IMMP2L: variants seen among roughly 807,000 people sequenced by gnomAD.
IMMP2L encodes mitochondrial inner membrane protease subunit 2.
Under a neutral mutation model 19.3 loss-of-function variants are expected in IMMP2L, and 18 were observed. The ratio of observed to expected loss-of-function variants is 0.93; its 90% CI spans 0.64 to 1.38. IMMP2L has a LOEUF of 1.38. Among genes scored for constraint, IMMP2L ranks in the 40% most tolerant of loss-of-function variants. IMMP2L has a pLI of 0.00. For missense variants in IMMP2L, 233 were observed against 218.2 expected (o/e 1.07, Z -0.43); for synonymous variants, 76 against 73.0 (o/e 1.04, Z -0.21).
At chr7:111,342,202 A>G (rs1827084163) in intron 3 of IMMP2L, among the ~76,000 whole-genome samples, 1 of 152,202 alleles carries the variant, frequency 6.6e-6, no homozygotes, top group Admixed American at 6.6e-5. Context: ...TGACTTATAG[A>G]AAACTTCCAG....
intron 3 of IMMP2L, among the ~76,000 whole-genome samples, chr7:111,222,706 C>T (rs73420084): frequency 0.022 from 3,418 of 151,958 alleles, 137 homozygotes; most frequent in African/African-American, 0.078. Context: ...TATATAAGAA[C>T]GTCAGTGAGT....
intron 3 of IMMP2L, among the ~76,000 whole-genome samples, chr7:111,089,889 T>C (rs1368346319): frequency 6.6e-6 from 1 of 151,990 alleles, no homozygotes; most frequent in African/African-American, 2.4e-5. Flanking sequence ...ATTATTATAA[T>C]AACTGCAAAC....
intron 3 of IMMP2L, among the ~76,000 whole-genome samples, chr7:111,406,948 T>C (rs1833948336): frequency 1.3e-5 from 2 of 152,006 alleles, no homozygotes; most frequent in Admixed American, 6.6e-5. Context: ...GTGGGTATAG[T>C]TTTTGAAAAT....
chr7:111,522,976 G>A (rs945607073), intron 1 of IMMP2L, among the ~76,000 whole-genome samples: 1 of 136,642 alleles, frequency 7.3e-6, no homozygotes, highest in East Asian at 1.9e-4. Context: ...CCTGCCATCT[G>A]GTACAACATG....
Position 110,663,564 on chromosome 7 carries a change from G to A in IMMP2L, c.*38C>T. 6.2e-7 allele frequency: 1 copy of A among 1,605,336 alleles called. No individual in the cohort carries two copies. Among genetic ancestry groups the A allele is most frequent in the East Asian group, 2.2e-5 (1 of 44,726 alleles). ...TTTTTTCCATTCCTTTCCAGTAACT[G>A]GCCTCCCAATGCCAGCAACTCAGGT... On this transcript the variant is annotated 3_prime_UTR_variant, in exon 6 of 6. Transcript: ENST00000405709.
At chr7:110,987,412 A>T (rs758075475) in intron 3 of IMMP2L, among the ~76,000 whole-genome samples, 2 of 152,144 alleles carry the variant, frequency 1.3e-5, no homozygotes, top group Non-Finnish European at 2.9e-5. Flanking sequence ...CTTTTGAACT[A>T]CAGGCAAAAT....
At chr7:110,793,618 G>A (rs1401491900) in intron 5 of IMMP2L, among the ~76,000 whole-genome samples, 1 of 151,858 alleles carries the variant, frequency 6.6e-6, no homozygotes, top group Admixed American at 6.6e-5. Context: ...CAAAAAAAAA[G>A]TATAAAGCTG....
intron 3 of IMMP2L, 44 bp from the exon 4 acceptor site, chr7:110,963,609 T>C (rs1277004266): frequency 1.6e-6 from 2 of 1,235,270 alleles, no homozygotes; most frequent in African/African-American, 1.5e-5. Context: ...ATGTCTATGT[T>C]GTTTTAGGAA....
intron 3 of IMMP2L, among the ~76,000 whole-genome samples, chr7:111,270,511 A>G (rs747021940): frequency 1.3e-5 from 2 of 152,128 alleles, no homozygotes; most frequent in Non-Finnish European, 2.9e-5. Context: ...TTATATATTT[A>G]TCAGAGTTCA....
chr7:111,277,397 C>T (rs1424584611), intron 3 of IMMP2L, among the ~76,000 whole-genome samples: 1 of 151,806 alleles, frequency 6.6e-6, no homozygotes, highest in Non-Finnish European at 1.5e-5. Context: ...AATGAGATAC[C>T]ATTTTACACC....
At chr7:111,545,606 G>A (rs1848858299) in intron 1 of IMMP2L, among the ~76,000 whole-genome samples, 1 of 151,982 alleles carries the variant, frequency 6.6e-6, no homozygotes, top group African/African-American at 2.4e-5. Context: ...GGCTAGTCTT[G>A]AACTCCTGAA....
chr7:110,868,932 C>CA (rs564933267), intron 5 of IMMP2L, among the ~76,000 whole-genome samples: 8,563 of 144,212 alleles, frequency 0.059, 307 homozygotes, highest in South Asian at 0.096. Context: ...AAAATTAAAA[C>CA]AAAAAAAAAA....
At chr7:111,300,617 C>A (rs964472103) in intron 3 of IMMP2L, among the ~76,000 whole-genome samples, 1 of 152,028 alleles carries the variant, frequency 6.6e-6, no homozygotes, top group Non-Finnish European at 1.5e-5. Flanking sequence ...AAACTCCTTC[C>A]GCACCCATCC....
chr7:111,238,825 T>C (rs780254835), intron 3 of IMMP2L, among the ~76,000 whole-genome samples: 23 of 151,978 alleles, frequency 1.5e-4, no homozygotes, highest in Non-Finnish European at 4.4e-5. Context: ...TTGAGTTCAA[T>C]TTTGCCACTT....
intron 3 of IMMP2L, among the ~76,000 whole-genome samples, chr7:111,478,450 GGTTAGACCATA>G (rs1264260603): frequency 6.6e-6 from 1 of 151,836 alleles, no homozygotes; most frequent in African/African-American, 2.4e-5. Context: ...GGAATGCAGT[GGTTAGACCATA>G]GCTCACTGCA....
chr7:111,425,315 T>C (rs1835965483), intron 3 of IMMP2L, among the ~76,000 whole-genome samples: 1 of 151,322 alleles, frequency 6.6e-6, no homozygotes, highest in African/African-American at 2.4e-5. Context: ...ATGTTCTGTA[T>C]CTTGATAGAG....
chr7:111,473,597 T>G (rs751907952), intron 3 of IMMP2L, among the ~76,000 whole-genome samples: 4 of 152,156 alleles, frequency 2.6e-5, no homozygotes, highest in Non-Finnish European at 5.9e-5. Flanking sequence ...TGAATGACAT[T>G]GTTGGTGTTT....
intron 3 of IMMP2L, among the ~76,000 whole-genome samples, chr7:111,365,508 T>A (rs1380324935): frequency 1.3e-5 from 2 of 152,096 alleles, no homozygotes; most frequent in Non-Finnish European, 2.9e-5. Context: ...TAAAGGACTA[T>A]AAATAAGGCA....
rs150842137 is a variant in IMMP2L at position 110,757,180 on chromosome 7, G to T, written c.409-93459C>A. Among the ~76,000 whole-genome samples the T allele has an allele frequency of 6.6e-6, 1 of 152,060 alleles. No homozygotes were observed. The highest frequency in any genetic ancestry group is 1.5e-5 in the Non-Finnish European group (1 of 68,008). ...AAATAAAGTCAGAAAGAGGCATAGG[G>T]AGGGAATCCAGTGTTGGAGGCAAGG... On this transcript the variant is annotated intron_variant, in intron 5 of 5. Coordinates refer to ENST00000405709, the MANE Select transcript of IMMP2L (RefSeq NM_032549.4). This position sits in a 1 kb window ranked among gnomAD's most constrained non-coding sequence, Gnocchi z 4.2.
Sources: allele counts gnomAD v4.1 joint callset (sites outside exome capture counted in the v4.1 genomes callset), GRCh38; gene constraint gnomAD v4.1.1; non-coding constraint Gnocchi (gnomAD v3.1); transcripts MANE v1.5; gene names NCBI Gene and HGNC (gene_info 2026-07-23, HGNC 2026-07-21).